Variants in PLIN4 observed in about 807,000 individuals in gnomAD.
PLIN4 encodes the protein perilipin 4.
Under a neutral mutation model 52.4 loss-of-function variants are expected in PLIN4, and 57 were observed. The observed-to-expected ratio is 1.09, with a 90% CI of 0.88 to 1.36. PLIN4 has a LOEUF of 1.36. Among genes scored for constraint, PLIN4 ranks in the 40% most tolerant of loss-of-function variants. PLIN4 has a pLI of 0.00. For synonymous variants in PLIN4, 826 were observed against 785.4 expected, an observed-to-expected ratio of 1.05 and a Z score of -0.86; for missense variants, 1,757 against 1,770.3, an observed-to-expected ratio of 0.99 and a Z score of 0.13.
rs190758183 is a variant in PLIN4 at position 4,517,968 on chromosome 19, G to A, written c.51+254C>T. On this transcript the variant is annotated intron_variant, in intron 2 of 7. Transcript: ENST00000301286. Reference sequence around the variant, plus strand: ...CCCACTGCACAGATGGGGAAACTGAGGCTCAGAGAGGGGCGGAGCTGAGGC... The same window carrying A: ...CCCACTGCACAGATGGGGAAACTGAAGCTCAGAGAGGGGCGGAGCTGAGGC... Among the ~76,000 whole-genome samples the A allele has an allele frequency of 3.9e-4, 59 of 152,336 alleles. No individual in the cohort carries two copies. The East Asian group carries it at 0.01, about 26-fold the overall frequency.
In PLIN4 at chr19:4,518,448, C is replaced by T. The variant is rs565429769; in HGVS notation, c.-81G>A. 2.5e-5 allele frequency: 30 copies of T among 1,224,326 alleles called. No homozygotes were observed. In the Admixed American group the frequency reaches 4.7e-4, roughly 19 times the overall value. The allele number at this position is 1,224,326 out of a possible 1,614,324, so 75.8% of individuals were successfully genotyped here. On this transcript the variant is annotated 5_prime_UTR_variant, in exon 1 of 8. Transcript: ENST00000301286. ...CGCGGCCCCGCTCACCTGGACTGCG[C>T]GGGGTCCCCTGGAGGACGGACCGGC...
intron 6 of PLIN4, among the ~76,000 whole-genome samples, chr19:4,507,299 C>T (rs921707830): frequency 6.6e-6 from 1 of 152,346 alleles, no homozygotes; most frequent in East Asian, 1.9e-4. Context: ...CTGCTGGGCA[C>T]GGTGGCTCAC....
chr19:4,514,744 GATAATA>G (rs916476281), intron 4 of PLIN4, among the ~76,000 whole-genome samples: 5 of 150,474 alleles, frequency 3.3e-5, no homozygotes, highest in East Asian at 2.0e-4. Context: ...TAATGATAAT[GATAATA>G]ATAATAATAT....
intron 3 of PLIN4, 74 bp downstream of exon 3, chr19:4,517,478 TCC>T (rs1337805737): frequency 6.6e-7 from 1 of 1,512,618 alleles, no homozygotes; most frequent in African/African-American, 1.4e-5. Context: ...TGGCTGGAAG[TCC>T]CTGCCCGGGG....
At chr19:4,507,434 G>A (rs989449235) in intron 6 of PLIN4, among the ~76,000 whole-genome samples, 1 of 152,234 alleles carries the variant, frequency 6.6e-6, no homozygotes, top group Admixed American at 6.5e-5. Flanking sequence ...GTTTGGTAGT[G>A]TGCACCCAGA....
intron 6 of PLIN4, among the ~76,000 whole-genome samples, chr19:4,507,834 G>A (rs944409763): frequency 6.6e-6 from 1 of 152,086 alleles, no homozygotes; most frequent in Non-Finnish European, 1.5e-5. Context: ...TCCCTGCAGG[G>A]ACCAGGATGA....
Position 4,518,226 on chromosome 19 carries a change from C to T in PLIN4, c.47G>A (p.Gly16Asp). ...TGCCCCATTTCCCCTCTTTACCTTGCCCTTCGGTTTGGGGGGATCCCGTCT... is the reference window on the plus strand; with the variant it reads ...TGCCCCATTTCCCCTCTTTACCTTGTCCTTCGGTTTGGGGGGATCCCGTCT... Reference protein sequence around the residue: ...EGRRDPPKPKGKTLGSFFGSL... With the variant: ...EGRRDPPKPKDKTLGSFFGSL... The change falls in exon 2 of 8, where the codon GGC (glycine) becomes GAC (aspartate). Residue 16 changes from glycine (G) to aspartate (D), a missense_variant. Transcript: ENST00000301286. The T allele has an allele frequency of 8.1e-7, 1 of 1,233,188 alleles. No homozygotes were observed. The highest frequency in any genetic ancestry group is 1.0e-6 in the Non-Finnish European group (1 of 988,818). 76.4% of individuals were successfully genotyped at this position (1,233,188 alleles called of 1,614,324 possible).
In PLIN4 at chr19:4,512,727, C is replaced by T. The variant is rs778124455; in HGVS notation, c.1233G>A (p.Ala411=). The change falls in exon 5 of 8, where the codon GCG becomes GCA. Residue 411 remains alanine (A), a synonymous_variant. Coordinates refer to ENST00000301286, the MANE Select transcript of PLIN4 (RefSeq NM_001367868.2). The part of the protein sequence containing the change: ...DTMSTGLTGA[A]NVAKGAMQTG... Reference sequence around the variant, plus strand: ...TTTGCATGGCCCCCTTGGCCACATTCGCTGCCCCTGTGAGCCCAGTGGACA... The same window carrying T: ...TTTGCATGGCCCCCTTGGCCACATTTGCTGCCCCTGTGAGCCCAGTGGACA... 3.4e-5 allele frequency: 53 copies of T among 1,559,484 alleles called. 5 individuals are homozygous for T. In the Admixed American group the frequency reaches 4.6e-4, roughly 14 times the overall value.
At chr19:4,515,289 A>C (rs1403760504) in intron 4 of PLIN4, among the ~76,000 whole-genome samples, 3 of 151,878 alleles carry the variant, frequency 2.0e-5, no homozygotes, top group Non-Finnish European at 2.9e-5. Flanking sequence ...TTGTTTTTTG[A>C]AACAGAGTCT....
chr19:4,518,423 C>A lies in PLIN4; in HGVS notation c.-56G>T, dbSNP rs915704163. ...CTCACCCTGGTGTCACCGAAGCAGA[C>A]GCGGCCCCGCTCACCTGGACTGCGC... is the stretch of plus-strand genomic sequence containing the variant. On this transcript the variant is annotated 5_prime_UTR_variant, in exon 1 of 8. Transcript: ENST00000301286. 1 of 1,228,054 alleles carries A rather than the reference C, an allele frequency of 8.1e-7. No individual in the cohort carries two copies. The highest frequency in any genetic ancestry group is 1.6e-5 in the African/African-American group (1 of 64,474). 76.1% of individuals were successfully genotyped at this position (1,228,054 alleles called of 1,614,324 possible). A position where few individuals can be genotyped will look rare whatever the true frequency, so the allele number is the denominator to read the frequency against.
rs193171692 is a variant in PLIN4, at chr19:4,509,362, A to G, written c.3515-407T>C. On this transcript the variant is annotated intron_variant, in intron 5 of 7. Transcript: ENST00000301286. ...CCAGGCGCGGTGGCTCACGCCCGTA[A>G]TCACAGCACATTGGGAGGCCAAGGC... is the stretch of plus-strand genomic sequence containing the variant. Among the ~76,000 whole-genome samples, 1,235 of 149,280 alleles carry G rather than the reference A, an allele frequency of 8.3e-3. 23 individuals are homozygous for G. The highest frequency in any genetic ancestry group is 0.029 in the African/African-American group (1,189 of 40,596).
chr19:4,504,787 TG>T lies in PLIN4; in HGVS notation c.3790-3del. Reference sequence around the variant, plus strand: ...GGACAGAACCCCGGCATCCCGCTCCTGTGGGAGGAAGGCGCAAGGTGAGTGG... The same window carrying T: ...GGACAGAACCCCGGCATCCCGCTCCTTGGGAGGAAGGCGCAAGGTGAGTGG... On this transcript the variant is annotated splice_polypyrimidine_tract_variant and splice_region_variant and intron_variant, in intron 7 of 7. Transcript: ENST00000301286. 4 of 1,600,876 alleles carry T rather than the reference TG, an allele frequency of 2.5e-6. No individual in the cohort carries two copies. The highest frequency in any genetic ancestry group is 3.4e-6 in the Non-Finnish European group (4 of 1,172,394).
At position 4,512,399 on chromosome 19, in the gene PLIN4, C is replaced by T. The variant is rs531243335; in HGVS notation, c.1561G>A (p.Val521Ile). ...NVAKGTVQTG[V>I]DTTKTVLTGT... ...GTTAGGACAGTCTTGGTGGTGTCTA[C>T]GCCGGTCTGGACGGTCCCTTTGGCC... Residue 521 changes from valine to isoleucine, a missense_variant, in exon 5 of 8, where the codon GTA becomes ATA. Transcript: ENST00000301286. The T allele has an allele frequency of 6.8e-5, 109 of 1,595,820 alleles. No homozygotes were observed. Among genetic ancestry groups the T allele is most frequent in the South Asian group, 1.7e-4 (15 of 89,850 alleles).
rs1192263097 is a variant in PLIN4, at chr19:4,503,393, A to G, written c.*1066T>C. 6 of 152,750 alleles carry G rather than the reference A, an allele frequency of 3.9e-5. No individual in the cohort carries two copies. The highest frequency in any genetic ancestry group is 7.3e-5 in the Non-Finnish European group (5 of 68,508). The allele number at this position is 152,750 out of a possible 1,614,324, so 9.5% of individuals were successfully genotyped here. A position where few individuals can be genotyped will look rare whatever the true frequency, so the allele number is the denominator to read the frequency against. On this transcript the variant is annotated 3_prime_UTR_variant, in exon 8 of 8. Coordinates refer to ENST00000301286, the MANE Select transcript of PLIN4 (RefSeq NM_001367868.2). ...CCACGACCTGGGCTAGCCTGAGAGC[A>G]CGGGGCCCGGCGGCCGGGTCCGCCA...
At chr19:4,517,742 C>T (rs374883644) in intron 2 of PLIN4, 44 bp from the exon 3 acceptor site, 350 of 1,545,340 alleles carry the variant, frequency 2.3e-4, no homozygotes, top group Non-Finnish European at 2.8e-4. Context: ...GGCCAAGCCT[C>T]GGCAGGAACG....
chr19:4,508,651 T>C lies in PLIN4; in HGVS notation c.3702+117A>G, dbSNP rs1021607490. On this transcript the variant is annotated intron_variant, in intron 6 of 7. Transcript: ENST00000301286. ...ATGAGTACAGAGCCATGACCATTGG[T>C]GACGCTGACAGCATCATCTCCTAGG... The C allele has an allele frequency of 1.6e-5, 19 of 1,152,668 alleles. No individual in the cohort carries two copies. In the African/African-American group the frequency reaches 2.8e-4, roughly 17 times the overall value. 71.4% of individuals were successfully genotyped at this position (1,152,668 alleles called of 1,614,324 possible). A position where few individuals can be genotyped will look rare whatever the true frequency, so the allele number is the denominator to read the frequency against.
In PLIN4 at chr19:4,508,841, G is replaced by A. The variant is rs748446959; in HGVS notation, c.3629C>T (p.Ala1210Val). 3.9e-5 allele frequency: 63 copies of A among 1,609,600 alleles called. No homozygotes were observed. The highest frequency in any genetic ancestry group is 1.7e-4 in the African/African-American group (13 of 74,830). ...CTGGCCGTGCTGCAGGTGGCTCACCGCGTGTTCAAATGCCCGCTGGCGGAA... is the reference window on the plus strand; with the variant it reads ...CTGGCCGTGCTGCAGGTGGCTCACCACGTGTTCAAATGCCCGCTGGCGGAA... The part of the protein sequence containing the change: ...PSFRQRAFEH[A>V]VSHLQHGQFQ... Residue 1210 changes from alanine (A) to valine (V), a missense_variant, in exon 6 of 8, where the codon GCG (alanine) becomes GTG (valine). Around this residue, in one of 7 missense-constraint regions of PLIN4, gnomAD observed 712 missense variants for 637.1 expected, o/e 1.12. Transcript: ENST00000301286.
intron 6 of PLIN4, among the ~76,000 whole-genome samples, chr19:4,507,135 C>A (rs1255943938): frequency 3.3e-5 from 5 of 152,254 alleles, no homozygotes; most frequent in Admixed American, 3.3e-4. Context: ...CTGGGTTAGA[C>A]CCTCAAACTG....
At position 4,513,599 on chromosome 19, in the gene PLIN4, C is replaced by T; in HGVS notation, c.361G>A (p.Val121Ile). Residue 121 changes from valine (V) to isoleucine (I), a missense_variant, in exon 5 of 8, where the codon GTC becomes ATC. This residue lies in a region of PLIN4 where 332 missense variants were observed against 310.8 expected (regional missense o/e 1.07). Transcript: ENST00000301286. ...ASVVDVAKGV[V>I]QGGLDTTRSA... ...CGAGTGGTGTCCAGGCCTCCCTGGA[C>T]CACTCCCTTAGCCACGTCCACCACG... The T allele has an allele frequency of 1.2e-6, 2 of 1,606,370 alleles. No individual in the cohort carries two copies. Among genetic ancestry groups the T allele is most frequent in the Non-Finnish European group, 1.7e-6 (2 of 1,176,894 alleles).
Sources: allele counts gnomAD v4.1 joint callset (sites outside exome capture counted in the v4.1 genomes callset), GRCh38; gene constraint gnomAD v4.1.1; regional missense constraint gnomAD v4.1.1; transcripts MANE v1.5; gene names NCBI Gene and HGNC (gene_info 2026-07-23, HGNC 2026-07-21).